Variants in RANBP2 observed in about 807,000 individuals in gnomAD.
The protein encoded by RANBP2 is E3 SUMO-protein ligase RanBP2.
Under a neutral mutation model 303.6 loss-of-function variants are expected in RANBP2, and 57 were observed. That is an observed-to-expected ratio of 0.19 (90% CI 0.15 to 0.23). The LOEUF is 0.23. Among genes scored for constraint, RANBP2 ranks in the 10% least tolerant of loss-of-function variants. The pLI is 1.00. For synonymous variants in RANBP2, 1,167 were observed against 1,301.5 expected, an observed-to-expected ratio of 0.90 and a Z score of 2.23; for missense variants, 3,138 against 3,780.8, an observed-to-expected ratio of 0.83 and a Z score of 4.46.
the RANBP2 span, among the ~76,000 whole-genome samples, chr2:109,337,717 T>C: frequency 9.2e-5 from 14 of 151,850 alleles, no homozygotes; most frequent in Non-Finnish European, 1.5e-4. Flanking sequence ...GTGGTCAAGT[T>C]TGTTTTGCTA....
chr2:109,391,466 G>A, the RANBP2 span, among the ~76,000 whole-genome samples: 5,284 of 152,298 alleles, frequency 0.035, 309 homozygotes, highest in African/African-American at 0.12. Flanking sequence ...AGGGCCGGCG[G>A]CCTCACACAG....
the RANBP2 span, among the ~76,000 whole-genome samples, chr2:108,921,565 T>A: frequency 2.0e-5 from 3 of 152,200 alleles, no homozygotes; most frequent in Non-Finnish European, 2.9e-5. Flanking sequence ...AAATGTTTGC[T>A]GCCCAGAGTG....
At chr2:109,414,156 C>G in the RANBP2 span, among the ~76,000 whole-genome samples, 1 of 152,248 alleles carries the variant, frequency 6.6e-6, no homozygotes, top group African/African-American at 2.4e-5. Context: ...GGGGCCAGGG[C>G]ATGCTCCCTC....
the RANBP2 span, chr2:108,805,000 A>C: frequency 6.6e-7 from 1 of 1,526,498 alleles, no homozygotes; most frequent in African/African-American, 1.4e-5. Context: ...TGATACCTTA[A>C]AAAAACAGGT....
At chr2:109,583,444 T>C in the RANBP2 span, among the ~76,000 whole-genome samples, 1 of 152,112 alleles carries the variant, frequency 6.6e-6, no homozygotes, top group African/African-American at 2.4e-5. Context: ...TGAGATACCA[T>C]CTCACAACAG....
chr2:108,764,525 A>G lies in RANBP2; in HGVS notation c.3986A>G (p.His1329Arg), dbSNP rs774842655. The G allele has an allele frequency of 1.2e-6, 2 of 1,614,020 alleles. No individual in the cohort carries two copies. The highest frequency in any genetic ancestry group is 1.7e-6 in the Non-Finnish European group (2 of 1,179,952). ...AGAATTGTAAAAGAACCCACAAGTC[A>G]TGATAACAAGGATATTTGCAAATCT... ...AVRIVKEPTS[H>R]DNKDICKSDA... Residue 1329 changes from histidine (H) to arginine (R), a missense_variant, in exon 20 of 29, where the codon CAT becomes CGT. This residue lies in a region of RANBP2 where 388 missense variants were observed against 328.5 expected (regional missense o/e 1.18). Transcript: ENST00000283195.
At chr2:109,602,594 G>C in the RANBP2 span, among the ~76,000 whole-genome samples, 14 of 151,174 alleles carry the variant, frequency 9.3e-5, no homozygotes, top group African/African-American at 3.4e-4. Flanking sequence ...AGAATCGCTT[G>C]AACCTGGGAG....
At chr2:109,387,003 T>C in the RANBP2 span, among the ~76,000 whole-genome samples, 1 of 152,256 alleles carries the variant, frequency 6.6e-6, no homozygotes, top group Non-Finnish European at 1.5e-5. Context: ...TGGCTATTGC[T>C]CAAAATAAGA....
chr2:109,714,926 C>T, the RANBP2 span, among the ~76,000 whole-genome samples: 356 of 103,934 alleles, frequency 3.4e-3, 1 homozygote, highest in Non-Finnish European at 4.4e-3. Flanking sequence ...TATTTTTAAA[C>T]ATTTAATTTT....
At chr2:109,109,033 A>T in the RANBP2 span, among the ~76,000 whole-genome samples, 2 of 151,982 alleles carry the variant, frequency 1.3e-5, no homozygotes, top group African/African-American at 4.8e-5. Flanking sequence ...CTCCCCCTTT[A>T]TATATTACTT....
chr2:109,079,529 C>T, the RANBP2 span, among the ~76,000 whole-genome samples: 2 of 152,172 alleles, frequency 1.3e-5, no homozygotes, highest in Admixed American at 6.5e-5. Flanking sequence ...AATGTATATA[C>T]TTTCAATTAA....
At chr2:109,698,467 G>GAA in the RANBP2 span, among the ~76,000 whole-genome samples, 44 of 145,264 alleles carry the variant, frequency 3.0e-4, no homozygotes, top group Middle Eastern at 3.5e-3. Flanking sequence ...CCCCATTTCA[G>GAA]AAAAAAAAAA....
the RANBP2 span, among the ~76,000 whole-genome samples, chr2:108,838,319 G>A: frequency 6.6e-6 from 1 of 152,046 alleles, no homozygotes; most frequent in Non-Finnish European, 1.5e-5. Context: ...ATAATATACA[G>A]AAAATTTTAC....
the RANBP2 span, among the ~76,000 whole-genome samples, chr2:109,147,707 A>C: frequency 1.3e-5 from 2 of 152,274 alleles, no homozygotes; most frequent in African/African-American, 4.8e-5. Context: ...TCTGGGTCTT[A>C]GGGCACTTTG....
chr2:109,119,012 C>T, the RANBP2 span, among the ~76,000 whole-genome samples: 58 of 152,290 alleles, frequency 3.8e-4, no homozygotes, highest in Admixed American at 7.8e-4. Context: ...GATTCTATAA[C>T]GGACTTGCCT....
At chr2:108,781,103 C>G (rs1180327265) in intron 25 of RANBP2, among the ~76,000 whole-genome samples, 166 bp from the exon 26 acceptor site, 2 of 152,102 alleles carry the variant, frequency 1.3e-5, no homozygotes, top group Admixed American at 6.5e-5. Context: ...TCCCAAAGTG[C>G]TGGGATTACA....
the RANBP2 span, chr2:109,490,713 G>A: frequency 1.3e-6 from 2 of 1,534,520 alleles, no homozygotes; most frequent in Non-Finnish European, 1.7e-6. Flanking sequence ...GGTGGCCGTG[G>A]ACGCCCTGCT....
chr2:108,904,949 G>A, the RANBP2 span, among the ~76,000 whole-genome samples: 384 of 152,246 alleles, frequency 2.5e-3, 2 homozygotes, highest in Non-Finnish European at 4.5e-3. Context: ...AGATGTTATC[G>A]TTAGGAGAAA....
the RANBP2 span, among the ~76,000 whole-genome samples, chr2:108,831,934 T>C: frequency 7.2e-5 from 11 of 152,160 alleles, no homozygotes; most frequent in East Asian, 2.1e-3. Context: ...GGTTTCACCA[T>C]GTTGACCAGG....
Sources: allele counts gnomAD v4.1 joint callset (sites outside exome capture counted in the v4.1 genomes callset), GRCh38; gene constraint gnomAD v4.1.1; regional missense constraint gnomAD v4.1.1; transcripts MANE v1.5; gene names NCBI Gene and HGNC (gene_info 2026-07-23, HGNC 2026-07-21).